Variants in PPP4R4 observed in about 807,000 individuals in gnomAD.
PPP4R4 encodes the protein serine/threonine-protein phosphatase 4 regulatory subunit 4.
PPP4R4 carries 70 observed loss-of-function variants against 121.8 expected under a neutral mutation model. That is an observed-to-expected ratio of 0.57 (90% CI 0.47 to 0.70). The LOEUF (loss-of-function observed/expected upper bound fraction) is 0.70. Among genes scored for constraint, PPP4R4 ranks in the 30% least tolerant of loss-of-function variants. The probability of loss-of-function intolerance (pLI) is 0.00; values close to 1 mark genes in which losing one functional copy is unlikely to be tolerated. For missense variants in PPP4R4, 875 were observed against 1,033.6 expected (o/e 0.85, Z 2.10); for synonymous variants, 348 against 355.7 (o/e 0.98, Z 0.24).
intron 2 of PPP4R4, among the ~76,000 whole-genome samples, chr14:94,178,641 C>T (rs1406845792): frequency 1.3e-5 from 2 of 152,060 alleles, no homozygotes; most frequent in Middle Eastern, 3.2e-3. Flanking sequence ...ATGACATTTT[C>T]ACAATTAAGT....
chr14:94,218,041 A>T (rs10131777), intron 3 of PPP4R4, among the ~76,000 whole-genome samples: 1,969 of 152,256 alleles, frequency 0.013, 41 homozygotes, highest in African/African-American at 0.045. Context: ...ATCTGAGATG[A>T]CGCATTTCTT....
At chr14:94,183,138 G>A (rs987190673) in intron 2 of PPP4R4, among the ~76,000 whole-genome samples, 1 of 152,240 alleles carries the variant, frequency 6.6e-6, no homozygotes, top group Non-Finnish European at 1.5e-5. Flanking sequence ...AGGAGATGAG[G>A]CATGTTGTGT....
intron 2 of PPP4R4, among the ~76,000 whole-genome samples, chr14:94,192,369 T>C (rs560486791): frequency 5.9e-5 from 9 of 152,290 alleles, no homozygotes; most frequent in African/African-American, 2.2e-4. Flanking sequence ...CATCTTTGCC[T>C]TACAAGAAGG....
intron 2 of PPP4R4, among the ~76,000 whole-genome samples, chr14:94,185,175 T>TTATCTTCTGTGAGCCCAAGTTCCC (rs1889201244): frequency 6.6e-6 from 1 of 152,174 alleles, no homozygotes. Flanking sequence ...GGTAAGTTGC[T>TTATCTTCTGTGAGCCCAAGTTCCC]TATCTTCTGT....
At chr14:94,270,933 A>C (rs145323987) in intron 23 of PPP4R4, among the ~76,000 whole-genome samples, 17,276 of 148,372 alleles carry the variant, frequency 0.12, 1,214 homozygotes, top group African/African-American at 0.19. Context: ...AAAAAACAAC[A>C]ACAACAACAA....
At chr14:94,267,144 A>T in intron 23 of PPP4R4, 115 bp downstream of exon 23, 1 of 617,706 alleles carries the variant, frequency 1.6e-6, no homozygotes, top group Non-Finnish European at 2.7e-6. Flanking sequence ...CTAAATCTTT[A>T]TCAGGTCCCT....
chr14:94,225,051 A>G (rs1212164759), intron 3 of PPP4R4, among the ~76,000 whole-genome samples: 1 of 152,106 alleles, frequency 6.6e-6, no homozygotes, highest in Non-Finnish European at 1.5e-5. Flanking sequence ...GTAGAGGGGT[A>G]TGTGTGCACA....
chr14:94,190,154 C>T, intron 2 of PPP4R4, among the ~76,000 whole-genome samples: 1 of 151,678 alleles, frequency 6.6e-6, no homozygotes. Flanking sequence ...GCTGGGATTA[C>T]AGGCAGTGTG....
At chr14:94,204,441 G>A (rs530924834) in intron 2 of PPP4R4, among the ~76,000 whole-genome samples, 1 of 152,082 alleles carries the variant, frequency 6.6e-6, no homozygotes, top group African/African-American at 2.4e-5. Context: ...GTGGATCTGT[G>A]TCTCTCTCCT....
chr14:94,258,732 G>T (rs1465354298), intron 17 of PPP4R4, 51 bp from the exon 18 acceptor site: 1 of 1,317,784 alleles, frequency 7.6e-7, no homozygotes, highest in Non-Finnish European at 1.1e-6. Context: ...AGAAATGATT[G>T]GTTGTTTTAA....
Position 94,245,511 on chromosome 14 carries a change from T to C in PPP4R4, c.1345-76T>C, listed in dbSNP as rs556792354. ...AAAAAAAAAAACCACTACTACTATA[T>C]AGAAATTGACATGTAGAATTAATCT... On this transcript the variant is annotated intron_variant, in intron 12 of 24. Transcript: ENST00000304338. 51 of 748,808 alleles carry C rather than the reference T, an allele frequency of 6.8e-5. 1 individual carries two copies. In the South Asian group the frequency reaches 1.5e-3, roughly 22 times the overall value. The allele number at this position is 748,808 out of a possible 1,614,324, so 46.4% of individuals were successfully genotyped here. A position where few individuals can be genotyped will look rare whatever the true frequency, so the allele number is the denominator to read the frequency against.
chr14:94,234,460 T>G, intron 6 of PPP4R4, 102 bp from the exon 7 acceptor site: 1 of 698,892 alleles, frequency 1.4e-6, no homozygotes, highest in Non-Finnish European at 2.4e-6. Flanking sequence ...TTAAAGTACA[T>G]TTGTTATTAT....
chr14:94,253,681 GAGAA>G (rs1353043740), intron 16 of PPP4R4, among the ~76,000 whole-genome samples: 1 of 152,158 alleles, frequency 6.6e-6, no homozygotes, highest in Non-Finnish European at 1.5e-5. Flanking sequence ...TTGACTCTTT[GAGAA>G]AGAAATCTGC....
At chr14:94,260,134 T>TA (rs1197439964) in intron 19 of PPP4R4, among the ~76,000 whole-genome samples, 1 of 151,950 alleles carries the variant, frequency 6.6e-6, no homozygotes, top group South Asian at 2.1e-4. Flanking sequence ...AAACTAAATT[T>TA]AAAAAAATGG....
intron 13 of PPP4R4, 62 bp from the exon 14 acceptor site, chr14:94,246,295 A>T: frequency 7.0e-7 from 1 of 1,424,544 alleles, no homozygotes; most frequent in Non-Finnish European, 9.5e-7. Flanking sequence ...TATAAGACTG[A>T]GTAATTTTAC....
intron 8 of PPP4R4, among the ~76,000 whole-genome samples, chr14:94,239,181 C>T (rs777148661): frequency 1.3e-5 from 2 of 149,612 alleles, no homozygotes; most frequent in Non-Finnish European, 3.0e-5. Flanking sequence ...TTGTCCTAGC[C>T]AACTCCTTCT....
Sources: allele counts gnomAD v4.1 joint callset (sites outside exome capture counted in the v4.1 genomes callset), GRCh38; gene constraint gnomAD v4.1.1; transcripts MANE v1.5; gene names NCBI Gene and HGNC (gene_info 2026-07-23, HGNC 2026-07-21).